Variants in CDC42SE2 observed in about 807,000 individuals in gnomAD.
CDC42SE2 encodes the protein CDC42 small effector protein 2.
In CDC42SE2, 3 loss-of-function variants were observed where a neutral mutation model predicts 11.5. The ratio of observed to expected loss-of-function variants is 0.26; its 90% CI spans 0.12 to 0.67. The LOEUF is 0.67. Among genes scored for constraint, CDC42SE2 ranks in the 30% least tolerant of loss-of-function variants. The pLI, the probability that CDC42SE2 is intolerant of heterozygous loss-of-function variation, is 0.80. For missense variants in CDC42SE2, 82 were observed against 106.8 expected (o/e 0.77, Z 1.02); for synonymous variants, 33 against 34.8 (o/e 0.95, Z 0.18).
At chr5:131,293,463 C>T (rs1233055859) in intron 1 of CDC42SE2, among the ~76,000 whole-genome samples, 1 of 151,492 alleles carries the variant, frequency 6.6e-6, no homozygotes, top group Non-Finnish European at 1.5e-5. Flanking sequence ...TCCCGGTTAC[C>T]GGGGCGGCTG....
At chr5:131,327,057 A>G (rs1429612044) in intron 2 of CDC42SE2, among the ~76,000 whole-genome samples, 2 of 152,208 alleles carry the variant, frequency 1.3e-5, no homozygotes, top group Non-Finnish European at 2.9e-5. Flanking sequence ...TAAATTGGCA[A>G]GTTCAACTCA....
intron 2 of CDC42SE2, among the ~76,000 whole-genome samples, chr5:131,343,469 G>A (rs932849639): frequency 5.3e-5 from 8 of 152,192 alleles, no homozygotes; most frequent in South Asian, 2.1e-4. Flanking sequence ...TTCCAGCACC[G>A]TGGGAGGCCA....
In CDC42SE2 at chr5:131,297,835, G is replaced by A. The variant is rs545767474; in HGVS notation, c.-454-18141G>A. On this transcript the variant is annotated intron_variant, in intron 1 of 4. Transcript: ENST00000505065. ...TTTACCCTTTGAGAAATAATCGATCGACAAATCAGCATCTTGGTTTCTTTT... is the reference window on the plus strand; with the variant it reads ...TTTACCCTTTGAGAAATAATCGATCAACAAATCAGCATCTTGGTTTCTTTT... 2.0e-3 allele frequency among the ~76,000 whole-genome samples: 301 copies of A among 151,918 alleles called. 1 individual carries two copies. Among genetic ancestry groups the A allele is most frequent in the African/African-American group, 7.0e-3 (290 of 41,486 alleles).
chr5:131,223,219 A>C, the CDC42SE2 span, among the ~76,000 whole-genome samples: 289 of 152,352 alleles, frequency 1.9e-3, 1 homozygote, highest in African/African-American at 6.7e-3. Flanking sequence ...TAGTCCCACC[A>C]GACATTTTAA....
intron 3 of CDC42SE2, among the ~76,000 whole-genome samples, chr5:131,367,993 C>A (rs1468632770): frequency 6.6e-6 from 1 of 152,118 alleles, no homozygotes; most frequent in Non-Finnish European, 1.5e-5. Context: ...GTGGCTCACA[C>A]CTGTAATCCC....
chr5:131,378,144 G>A lies in CDC42SE2; in HGVS notation c.55-7399G>A, dbSNP rs114283020. Among the ~76,000 whole-genome samples the A allele has an allele frequency of 2.0e-3, 302 of 152,290 alleles. 1 individual carries two copies. Among genetic ancestry groups the A allele is most frequent in the African/African-American group, 7.0e-3 (289 of 41,550 alleles). On this transcript the variant is annotated intron_variant, in intron 3 of 4. Coordinates refer to ENST00000505065, the MANE Select transcript of CDC42SE2 (RefSeq NM_001375635.1). ...AGGAAATATCCAACAGCCTCAACTC[G>A]GAATGTTTATGTTTGAGCTGGGTCT...
rs934821235 is a variant in CDC42SE2, at chr5:131,392,177, T to A, written c.*1086T>A. Reference sequence around the variant, plus strand: ...TTTTCTATTTTAAACATTTTTCTTTTCACTGCCGACCCCCTGCCTTACGAT... The same window carrying A: ...TTTTCTATTTTAAACATTTTTCTTTACACTGCCGACCCCCTGCCTTACGAT... On this transcript the variant is annotated 3_prime_UTR_variant, in exon 5 of 5. Coordinates refer to ENST00000505065, the MANE Select transcript of CDC42SE2 (RefSeq NM_001375635.1). 2.0e-5 allele frequency: 3 copies of A among 152,762 alleles called. No homozygotes were observed. The highest frequency in any genetic ancestry group is 4.4e-5 in the Non-Finnish European group (3 of 68,038). The allele number at this position is 152,762 out of a possible 1,614,324, so 9.5% of individuals were successfully genotyped here.
chr5:131,355,500 A>AAGAGAAGAG (rs1043213683), intron 2 of CDC42SE2, among the ~76,000 whole-genome samples: 1 of 151,978 alleles, frequency 6.6e-6, no homozygotes, highest in African/African-American at 2.4e-5. Context: ...GAGAGAGAGA[A>AAGAGAAGAG]AGAGAAGAGA....
the CDC42SE2 span, among the ~76,000 whole-genome samples, chr5:131,220,555 A>G: frequency 6.6e-6 from 1 of 152,212 alleles, no homozygotes; most frequent in Non-Finnish European, 1.5e-5. Flanking sequence ...CATCTGCAGC[A>G]TCATAGTTAG....
At chr5:131,214,791 T>C in the CDC42SE2 span, among the ~76,000 whole-genome samples, 1 of 152,158 alleles carries the variant, frequency 6.6e-6, no homozygotes, top group Non-Finnish European at 1.5e-5. Flanking sequence ...GACGTAACCT[T>C]GGTGAGACCA....
At chr5:131,314,530 C>G (rs937872378) in intron 1 of CDC42SE2, among the ~76,000 whole-genome samples, 1 of 152,056 alleles carries the variant, frequency 6.6e-6, no homozygotes, top group African/African-American at 2.4e-5. Flanking sequence ...TATGAGCCAC[C>G]GTGCCTGGCT....
chr5:131,362,495 T>A (rs1319060351), intron 3 of CDC42SE2, among the ~76,000 whole-genome samples: 2 of 152,194 alleles, frequency 1.3e-5, no homozygotes, highest in African/African-American at 4.8e-5. Flanking sequence ...TTAAAGCTGC[T>A]TGATCATCTG....
intron 1 of CDC42SE2, among the ~76,000 whole-genome samples, chr5:131,308,049 T>C (rs1391465809): frequency 3.3e-5 from 5 of 152,224 alleles, no homozygotes; most frequent in Non-Finnish European, 7.3e-5. Flanking sequence ...TTTCTTTTGC[T>C]GTGCAGAAGC....
upstream of CDC42SE2, among the ~76,000 whole-genome samples, chr5:131,260,012 G>A (rs1225366598): frequency 2.6e-5 from 4 of 152,208 alleles, no homozygotes; most frequent in African/African-American, 9.6e-5. Context: ...TATTACAAAT[G>A]TAGAACAATG....
intron 2 of CDC42SE2, among the ~76,000 whole-genome samples, chr5:131,321,944 G>A (rs199502411): frequency 7.2e-5 from 11 of 152,078 alleles, no homozygotes; most frequent in East Asian, 3.9e-4. Flanking sequence ...TCCGCCTCCC[G>A]GGTTCATGCC....
At chr5:131,273,062 A>G (rs1457161134) in intron 1 of CDC42SE2, among the ~76,000 whole-genome samples, 1 of 150,412 alleles carries the variant, frequency 6.6e-6, no homozygotes, top group African/African-American at 2.4e-5. Flanking sequence ...ATATGTTTAG[A>G]CCTCTTCTAT....
intron 1 of CDC42SE2, among the ~76,000 whole-genome samples, chr5:131,246,007 A>G (rs1396271239): frequency 6.6e-6 from 1 of 152,216 alleles, no homozygotes; most frequent in Non-Finnish European, 1.5e-5. Context: ...CAGGGGTTAT[A>G]TTGCCTGAAT....
chr5:131,229,327 AT>A, the CDC42SE2 span, among the ~76,000 whole-genome samples: 418 of 152,142 alleles, frequency 2.7e-3, 2 homozygotes, highest in African/African-American at 9.0e-3. Flanking sequence ...TTTTTCTTTT[AT>A]TTAATATAAA....
At chr5:131,273,402 C>T (rs1235959458) in intron 1 of CDC42SE2, among the ~76,000 whole-genome samples, 1 of 150,186 alleles carries the variant, frequency 6.7e-6, no homozygotes, top group South Asian at 2.1e-4. Context: ...GTGATCTGCC[C>T]AGCTTGGCCT....
Sources: allele counts gnomAD v4.1 joint callset (sites outside exome capture counted in the v4.1 genomes callset), GRCh38; gene constraint gnomAD v4.1.1; transcripts MANE v1.5; gene names NCBI Gene and HGNC (gene_info 2026-07-23, HGNC 2026-07-21).